SLC44A5: variants seen among roughly 807,000 people sequenced by gnomAD.
SLC44A5 encodes the protein solute carrier family 44 member 5.
In SLC44A5, 57 loss-of-function variants were observed where a neutral mutation model predicts 101.8. That is an observed-to-expected ratio of 0.56 (90% CI 0.45 to 0.70). The LOEUF (loss-of-function observed/expected upper bound fraction) is 0.70. Ranked by LOEUF, SLC44A5 falls within the 30% of genes least tolerant of loss-of-function variation. The pLI is 0.00. For synonymous variants in SLC44A5, 281 were observed against 290.9 expected (o/e 0.97, Z 0.35); for missense variants, 737 against 853.1 (o/e 0.86, Z 1.70).
upstream of SLC44A5, among the ~76,000 whole-genome samples, chr1:75,612,365 C>CCTTA (rs1675693393): frequency 6.6e-6 from 1 of 152,138 alleles, no homozygotes; most frequent in African/African-American, 2.4e-5. Context: ...ACTGTCTCTT[C>CCTTA]CTTACACATT....
intron 1 of SLC44A5, among the ~76,000 whole-genome samples, chr1:75,570,348 T>G (rs1297315487): frequency 6.6e-6 from 1 of 152,118 alleles, no homozygotes; most frequent in Non-Finnish European, 1.5e-5. Context: ...GATTTATGAC[T>G]GAGAAGTGAA....
chr1:75,637,528 A>G, the SLC44A5 span, among the ~76,000 whole-genome samples: 1 of 152,122 alleles, frequency 6.6e-6, no homozygotes, highest in South Asian at 2.1e-4. Flanking sequence ...GTTATTGCTT[A>G]ATGGGTACAG....
chr1:75,476,929 G>A (rs1362427637), intron 2 of SLC44A5, among the ~76,000 whole-genome samples: 5 of 152,246 alleles, frequency 3.3e-5, no homozygotes, highest in Non-Finnish European at 7.3e-5. Context: ...CTGGAGATCT[G>A]AGAATGGGCA....
chr1:75,496,451 A>G (rs1161349453), intron 2 of SLC44A5, among the ~76,000 whole-genome samples: 2 of 152,134 alleles, frequency 1.3e-5, no homozygotes, highest in African/African-American at 2.4e-5. Context: ...CAATATACAC[A>G]AAAATCAACT....
the SLC44A5 span, among the ~76,000 whole-genome samples, chr1:75,644,494 C>CT: frequency 6.6e-6 from 1 of 151,902 alleles, no homozygotes; most frequent in East Asian, 1.9e-4. Context: ...TTCTAACTTG[C>CT]TTTTACTATT....
chr1:75,675,598 A>G, the SLC44A5 span, among the ~76,000 whole-genome samples: 1 of 152,254 alleles, frequency 6.6e-6, no homozygotes, highest in South Asian at 2.1e-4. Flanking sequence ...AACTATAAAA[A>G]CCCTAGAAGA....
intron 1 of SLC44A5, among the ~76,000 whole-genome samples, chr1:75,583,723 C>T (rs1311702136): frequency 1.3e-5 from 2 of 152,188 alleles, no homozygotes; most frequent in Non-Finnish European, 2.9e-5. Flanking sequence ...CTAATTTTTG[C>T]AATTTGGCAA....
At chr1:75,377,229 G>A (rs1407582067) in intron 3 of SLC44A5, among the ~76,000 whole-genome samples, 1 of 134,714 alleles carries the variant, frequency 7.4e-6, no homozygotes, top group Non-Finnish European at 1.6e-5. Context: ...CCAACCCCGT[G>A]CTCTCTGAAA....
intron 2 of SLC44A5, among the ~76,000 whole-genome samples, chr1:75,509,738 G>A (rs1669462336): frequency 6.6e-6 from 1 of 152,148 alleles, no homozygotes. Flanking sequence ...ACAAAATACA[G>A]TGCCTGAGAA....
At chr1:75,625,840 A>ATTGCTG in the SLC44A5 span, among the ~76,000 whole-genome samples, 1 of 152,070 alleles carries the variant, frequency 6.6e-6, no homozygotes, top group African/African-American at 2.4e-5. Flanking sequence ...TGTAGTTTAA[A>ATTGCTG]TTGCTGTTGT....
chr1:75,633,576 C>T, the SLC44A5 span, among the ~76,000 whole-genome samples: 2 of 152,004 alleles, frequency 1.3e-5, no homozygotes, highest in African/African-American at 4.8e-5. Flanking sequence ...ATTTTGTATC[C>T]TGAGACTTTG....
intron 2 of SLC44A5, among the ~76,000 whole-genome samples, chr1:75,469,900 GA>G (rs1171157547): frequency 0.011 from 868 of 80,498 alleles, 8 homozygotes; most frequent in African/African-American, 0.026. Flanking sequence ...ACCTTGTGAA[GA>G]AAAAAAAAAA....
At chr1:75,409,784 TAA>T (rs1162191965) in intron 2 of SLC44A5, among the ~76,000 whole-genome samples, 1 of 152,152 alleles carries the variant, frequency 6.6e-6, no homozygotes, top group African/African-American at 2.4e-5. Context: ...TGGTCATTGA[TAA>T]TTATGTAGGG....
chr1:75,373,934 C>A (rs573440063), intron 3 of SLC44A5, among the ~76,000 whole-genome samples: 65 of 152,240 alleles, frequency 4.3e-4, no homozygotes, highest in Admixed American at 2.1e-3. Context: ...GGGGAGGAGC[C>A]CCCACTCTCA....
chr1:75,322,750 G>A (rs148227903), intron 4 of SLC44A5, among the ~76,000 whole-genome samples: 22 of 152,076 alleles, frequency 1.4e-4, no homozygotes, highest in African/African-American at 4.8e-4. Context: ...AACACTGCAC[G>A]GACAGATGTA....
intron 1 of SLC44A5, among the ~76,000 whole-genome samples, chr1:75,556,589 T>C (rs1672228704): frequency 6.6e-6 from 1 of 152,084 alleles, no homozygotes; most frequent in Admixed American, 6.6e-5. Flanking sequence ...CATTTTCAAA[T>C]AATAAAAGAG....
chr1:75,214,748 G>A (rs687715), intron 19 of SLC44A5, 70 bp from the exon 20 acceptor site: 527,140 of 1,260,590 alleles, frequency 0.42, 113,822 homozygotes, highest in African/African-American at 0.48. Flanking sequence ...ACAATCCAAT[G>A]ACAGGAAGGT....
the SLC44A5 span, chr1:75,677,615 A>G: frequency 3.2e-6 from 1 of 311,102 alleles, no homozygotes; most frequent in South Asian, 2.4e-5. Flanking sequence ...ACAAAATGGT[A>G]GGAGTAAGTC....
At chr1:75,416,457 T>C (rs1663653183) in intron 2 of SLC44A5, among the ~76,000 whole-genome samples, 1 of 152,186 alleles carries the variant, frequency 6.6e-6, no homozygotes, top group South Asian at 2.1e-4. Flanking sequence ...GGGGCCCTCA[T>C]GGAGAACCTC....
Sources: gnomAD v4.1 joint callset for allele counts (sites outside exome capture counted in the v4.1 genomes callset) on GRCh38, gnomAD v4.1.1 for gene constraint, MANE v1.5 for transcripts, NCBI Gene and HGNC (gene_info 2026-07-23, HGNC 2026-07-21) for gene names.